The following SH2D4B variants were observed in gnomAD, a reference collection of about 807,000 sequenced individuals.
SH2D4B encodes SH2 domain containing 4B, also known as SH2 domain-containing protein 4B.
SH2D4B carries 45 observed loss-of-function variants against 61.5 expected under a neutral mutation model. That is an observed-to-expected ratio of 0.73 (90% CI 0.58 to 0.94). The LOEUF (loss-of-function observed/expected upper bound fraction) is 0.94, where lower values mean the gene tolerates loss of function less well. Among genes scored for constraint, SH2D4B ranks in the 40% least tolerant of loss-of-function variants. The pLI is 0.00. For synonymous variants in SH2D4B, 224 were observed against 220.4 expected (o/e 1.02, Z -0.14); for missense variants, 572 against 574.2 (o/e 1.00, Z 0.04).
At chr10:80,546,827 A>G (rs1841687694) in intron 1 of SH2D4B, among the ~76,000 whole-genome samples, 1 of 152,326 alleles carries the variant, frequency 6.6e-6, no homozygotes, top group African/African-American at 2.4e-5. Flanking sequence ...GCGCCCAGCC[A>G]GCATACGGTA....
intron 1 of SH2D4B, among the ~76,000 whole-genome samples, chr10:80,560,693 C>CTTTT (rs58963330): frequency 8.5e-5 from 5 of 58,842 alleles, no homozygotes; most frequent in African/African-American, 2.2e-4. Context: ...CCTGGCCAAG[C>CTTTT]TTTTTTTTTT....
chr10:80,552,802 C>A lies in SH2D4B; in HGVS notation c.184+14287C>A, dbSNP rs1010546936. On this transcript the variant is annotated intron_variant, in intron 1 of 7. Coordinates refer to ENST00000646907, the MANE Select transcript of SH2D4B (RefSeq NM_001388272.1). The stretch of plus-strand genomic sequence containing the variant: ...TGTTGGGGTCTAAATTCTTTGGGTT[C>A]ATTTTCATGTGTATTTACCCCATGT... Among the ~76,000 whole-genome samples the A allele has an allele frequency of 2.6e-5, 4 of 152,304 alleles. No individual in the cohort carries two copies. In the South Asian group the frequency reaches 8.3e-4, roughly 32 times the overall value.
intron 1 of SH2D4B, among the ~76,000 whole-genome samples, chr10:80,559,086 T>C (rs751906509): frequency 3.0e-4 from 46 of 152,140 alleles, no homozygotes; most frequent in Non-Finnish European, 5.7e-4. Flanking sequence ...TACTTAGGTA[T>C]GCCAGGCAGT....
At chr10:80,633,849 A>G (rs1432594643) in intron 6 of SH2D4B, among the ~76,000 whole-genome samples, 3 of 152,236 alleles carry the variant, frequency 2.0e-5, no homozygotes, top group African/African-American at 7.2e-5. Context: ...TTATGGTACT[A>G]GAGAAATAAG....
intron 1 of SH2D4B, among the ~76,000 whole-genome samples, chr10:80,544,872 G>A (rs1841649221): frequency 6.6e-6 from 1 of 152,142 alleles, no homozygotes; most frequent in Non-Finnish European, 1.5e-5. Context: ...ACCTCTTCAA[G>A]CTAATTTCCA....
chr10:80,570,245 CG>C lies in SH2D4B; in HGVS notation c.277del (p.Glu93LysfsTer7), dbSNP rs1842024312. On this transcript the variant is annotated frameshift_variant, in exon 2 of 8. Coordinates refer to ENST00000646907, the MANE Select transcript of SH2D4B (RefSeq NM_001388272.1). LOFTEE classifies it high-confidence loss of function. ...MGEGPGDKPYEEISEELIAER... is the reference protein window; with the variant it reads ...MGEGPGDKPYXEISEELIAER... ...GAGAAGGCCCTGGTGACAAGCCCTA[CG>C]AAGAGATCTCTGAGGAGCTGATTGC... The C allele has an allele frequency of 6.2e-7, 1 of 1,613,912 alleles. No individual in the cohort carries two copies. The highest frequency in any genetic ancestry group is 1.3e-5 in the African/African-American group (1 of 74,888).
chr10:80,593,652 G>C lies in SH2D4B; in HGVS notation c.643+4875G>C, dbSNP rs1483231250. On this transcript the variant is annotated intron_variant, in intron 4 of 7. Transcript: ENST00000646907. ...ATAATTTCATCTGCAGATAGAGATA[G>C]TTTTACTTCTTCCTTTCCAGTTTGG... Among the ~76,000 whole-genome samples the C allele has an allele frequency of 6.6e-5, 10 of 152,246 alleles. No individual in the cohort carries two copies. In the East Asian group the frequency reaches 1.7e-3, roughly 26 times the overall value.
intron 1 of SH2D4B, among the ~76,000 whole-genome samples, chr10:80,550,440 A>G (rs2132106103): frequency 6.6e-6 from 1 of 152,026 alleles, no homozygotes; most frequent in Admixed American, 6.5e-5. Flanking sequence ...AAAAGTACAA[A>G]AAAACTAGCC....
chr10:80,574,142 T>C (rs1175043239), intron 3 of SH2D4B, among the ~76,000 whole-genome samples: 2 of 152,208 alleles, frequency 1.3e-5, no homozygotes, highest in Non-Finnish European at 2.9e-5. Context: ...ACATTTGTTT[T>C]TTCTTTTTAT....
intron 6 of SH2D4B, among the ~76,000 whole-genome samples, chr10:80,631,380 C>T (rs926452202): frequency 4.6e-5 from 7 of 152,182 alleles, no homozygotes; most frequent in Non-Finnish European, 1.0e-4. Flanking sequence ...TCTTGAGTAG[C>T]TGGGACCACA....
rs1041872651 is a variant in SH2D4B at position 80,587,269 on chromosome 10, T to TTTG, written c.496-1343_496-1341dup. 4.0e-3 allele frequency among the ~76,000 whole-genome samples: 601 copies of TTTG among 151,138 alleles called. 2 individuals are homozygous for TTTG. Among genetic ancestry groups the TTTG allele is most frequent in the African/African-American group, 0.012 (502 of 41,166 alleles). ...TCGTGCCTCTTGAGTAACTCTTGTT[T>TTTG]TTGTTGTTGTTGTTGTTGTTTTTTC... is the stretch of plus-strand genomic sequence containing the variant. On this transcript the variant is annotated intron_variant, in intron 3 of 7. Coordinates refer to ENST00000646907, the MANE Select transcript of SH2D4B (RefSeq NM_001388272.1).
At chr10:80,604,445 G>T (rs976551871) in intron 5 of SH2D4B, among the ~76,000 whole-genome samples, 1 of 152,064 alleles carries the variant, frequency 6.6e-6, no homozygotes, top group African/African-American at 2.4e-5. Context: ...TCTCCTCTTG[G>T]GTGCCCTCCT....
chr10:80,616,682 A>G (rs183682528), intron 6 of SH2D4B, among the ~76,000 whole-genome samples: 8 of 152,270 alleles, frequency 5.3e-5, no homozygotes, highest in Admixed American at 4.6e-4. Context: ...TTCTTGTCAG[A>G]TGTACATTGG....
Position 80,588,707 on chromosome 10 carries a change from C to T in SH2D4B, c.573C>T (p.Tyr191=). The change falls in exon 4 of 8, where the codon TAC becomes TAT. Residue 191 remains tyrosine, a synonymous_variant. Transcript: ENST00000646907. ...AAGAGCAGAGGGCGAAGGAGCTCTA[C>T]TGGACCCTGAAGCAGGCTCAGCTGC... The part of the protein sequence containing the change: ...LQEEQRAKEL[Y]WTLKQAQLHC... 6.2e-7 allele frequency: 1 copy of T among 1,614,120 alleles called. No individual in the cohort carries two copies.
chr10:80,635,614 C>G (rs1015221538), intron 7 of SH2D4B, among the ~76,000 whole-genome samples: 4 of 152,098 alleles, frequency 2.6e-5, no homozygotes, highest in African/African-American at 9.7e-5. Flanking sequence ...CTGGACTAAC[C>G]AGGATCAAGG....
intron 7 of SH2D4B, among the ~76,000 whole-genome samples, chr10:80,641,296 C>T (rs559553636): frequency 2.4e-4 from 36 of 152,372 alleles, no homozygotes; most frequent in African/African-American, 8.4e-4. Flanking sequence ...AGAGCTCAAA[C>T]ACCATGCTGG....
chr10:80,626,674 C>T (rs992625397), intron 6 of SH2D4B, among the ~76,000 whole-genome samples: 2 of 152,198 alleles, frequency 1.3e-5, no homozygotes, highest in African/African-American at 4.8e-5. Context: ...TTCTCTCCCT[C>T]ACACCTCATT....
In SH2D4B at chr10:80,539,498, CTT is replaced by C. The variant is rs1396366978; in HGVS notation, c.184+984_184+985del. ...CCCACATCATCTGGACATGCTTGCT[CTT>C]GTCTCTGGTCTTCACATGAGTGGCT... On this transcript the variant is annotated intron_variant, in intron 1 of 7. Coordinates refer to ENST00000646907, the MANE Select transcript of SH2D4B (RefSeq NM_001388272.1). The surrounding 1 kb of genome is among the most constrained non-coding windows in gnomAD (Gnocchi z 4.9). 1.3e-5 allele frequency among the ~76,000 whole-genome samples: 2 copies of C among 152,232 alleles called. No individual in the cohort carries two copies. Among genetic ancestry groups the C allele is most frequent in the African/African-American group, 2.4e-5 (1 of 41,474 alleles).
chr10:80,571,874 G>A lies in SH2D4B; in HGVS notation c.495+296G>A, dbSNP rs1197774830. ...TGCAAGCTCTGCCTCCCGGGTTCAC[G>A]CCATTCTCCTACCTCAGCCTCCCGA... On this transcript the variant is annotated intron_variant, in intron 3 of 7. Transcript: ENST00000646907. 6.0e-5 allele frequency among the ~76,000 whole-genome samples: 9 copies of A among 149,996 alleles called. No homozygotes were observed. The South Asian group carries it at 1.7e-3, about 28-fold the overall frequency.
Sources: gnomAD v4.1 joint callset for allele counts (sites outside exome capture counted in the v4.1 genomes callset) on GRCh38, gnomAD v4.1.1 for gene constraint, Gnocchi (gnomAD v3.1) non-coding constraint, MANE v1.5 for transcripts, NCBI Gene and HGNC (gene_info 2026-07-23, HGNC 2026-07-21) for gene names.